NR3C1: variants seen among roughly 807,000 people sequenced by gnomAD.
NR3C1 encodes the protein nuclear receptor subfamily 3 group C member 1.
Under a neutral mutation model 74.0 loss-of-function variants are expected in NR3C1, and 14 were observed. That is an observed-to-expected ratio of 0.19 (90% CI 0.12 to 0.30). The LOEUF (loss-of-function observed/expected upper bound fraction) is 0.30. Ranked by LOEUF, NR3C1 falls within the 10% of genes least tolerant of loss-of-function variation. The pLI, the probability that NR3C1 is intolerant of heterozygous loss-of-function variation, is 1.00. For missense variants in NR3C1, 695 were observed against 909.8 expected (o/e 0.76, Z 3.04); for synonymous variants, 308 against 332.5 (o/e 0.93, Z 0.80).
intron 2 of NR3C1, among the ~76,000 whole-genome samples, chr5:143,356,445 T>C (rs61752273): frequency 0.016 from 2,509 of 152,214 alleles, 27 homozygotes; most frequent in Middle Eastern, 0.048. Context: ...ATCTGTCTAG[T>C]ATATCAACAA....
intron 2 of NR3C1, among the ~76,000 whole-genome samples, chr5:143,382,776 T>C (rs1390176451): frequency 2.0e-5 from 3 of 152,250 alleles, no homozygotes; most frequent in African/African-American, 7.2e-5. Context: ...GACGGGAGCA[T>C]ACTTCTTCGT....
At chr5:143,362,277 T>C (rs1049759144) in intron 2 of NR3C1, among the ~76,000 whole-genome samples, 5 of 152,100 alleles carry the variant, frequency 3.3e-5, no homozygotes, top group Non-Finnish European at 5.9e-5. Context: ...ATTCCTAGCT[T>C]AGCAGTAGCC....
At chr5:143,326,586 T>C (rs1248798415) in intron 2 of NR3C1, among the ~76,000 whole-genome samples, 1 of 152,228 alleles carries the variant, frequency 6.6e-6, no homozygotes, top group African/African-American at 2.4e-5. Flanking sequence ...ACCACGATTT[T>C]TGCCCTTAGA....
At chr5:143,395,785 G>C (rs1456960769) in intron 2 of NR3C1, among the ~76,000 whole-genome samples, 1 of 151,832 alleles carries the variant, frequency 6.6e-6, no homozygotes, top group Non-Finnish European at 1.5e-5. Flanking sequence ...AGTAGACTAA[G>C]ATTTATGTAA....
intron 2 of NR3C1, among the ~76,000 whole-genome samples, chr5:143,335,085 A>C (rs1826831705): frequency 6.6e-6 from 1 of 152,194 alleles, no homozygotes. Context: ...AGCTGAAATG[A>C]CTGGTTGACG....
At position 143,400,637 on chromosome 5, in the gene NR3C1, C is replaced by A. The variant is rs1421768594; in HGVS notation, c.203G>T (p.Gly68Val). ...QRRLLVDFPK[G>V]SVSNAQQPDL... The stretch of plus-strand genomic sequence containing the variant: ...TGGCTGCTGCGCATTGCTTACTGAG[C>A]CTTTTGGAAAATCAACCAAAAGTCT... Residue 68 changes from glycine to valine, a missense_variant, in exon 2 of 9, where the codon GGC becomes GTC. Physicochemically the swap from Gly to Val is moderately radical, Grantham distance 109. Coordinates refer to ENST00000394464, the MANE Select transcript of NR3C1 (RefSeq NM_000176.3). 1 of 1,614,074 alleles carries A rather than the reference C, an allele frequency of 6.2e-7. No homozygotes were observed. Among genetic ancestry groups the A allele is most frequent in the Admixed American group, 1.7e-5 (1 of 60,022 alleles).
chr5:143,344,448 T>C (rs1278956290), intron 2 of NR3C1, among the ~76,000 whole-genome samples: 2 of 152,220 alleles, frequency 1.3e-5, no homozygotes, highest in Non-Finnish European at 2.9e-5. Flanking sequence ...CCCCATTTTA[T>C]GAATGAGGAC....
chr5:143,386,341 C>T (rs577932913), intron 2 of NR3C1, among the ~76,000 whole-genome samples: 1 of 152,216 alleles, frequency 6.6e-6, no homozygotes, highest in Non-Finnish European at 1.5e-5. Context: ...GTAAAGGGTA[C>T]ATAGAAAAGG....
intron 1 of NR3C1, among the ~76,000 whole-genome samples, chr5:143,416,642 A>G (rs959106697): frequency 6.6e-6 from 1 of 152,144 alleles, no homozygotes; most frequent in African/African-American, 2.4e-5. Flanking sequence ...TGCATCAGAA[A>G]GGGTCCTGAC....
At chr5:143,293,688 G>C (rs1816459210) in intron 7 of NR3C1, among the ~76,000 whole-genome samples, 1 of 151,908 alleles carries the variant, frequency 6.6e-6, no homozygotes. Context: ...AGCATTTTTG[G>C]TGGGAGGTTA....
At chr5:143,367,413 T>C (rs1490685292) in intron 2 of NR3C1, among the ~76,000 whole-genome samples, 1 of 152,134 alleles carries the variant, frequency 6.6e-6, no homozygotes, top group Non-Finnish European at 1.5e-5. Flanking sequence ...CTAGGGCAAC[T>C]AGGCAAGAAA....
intron 1 of NR3C1, among the ~76,000 whole-genome samples, chr5:143,401,872 C>G (rs1461119438): frequency 6.6e-6 from 1 of 152,346 alleles, no homozygotes. Flanking sequence ...CTTCACCTAT[C>G]CAAACCTTCA....
chr5:143,423,903 G>T (rs1751370238), intron 1 of NR3C1, among the ~76,000 whole-genome samples: 1 of 151,750 alleles, frequency 6.6e-6, no homozygotes, highest in Non-Finnish European at 1.5e-5. Flanking sequence ...AACTCAGAGA[G>T]AGAAAGAATA....
Position 143,295,666 on chromosome 5 carries a change from T to C in NR3C1, c.1893-76A>G, listed in dbSNP as rs1361567317. The C allele has an allele frequency of 2.5e-6, 3 of 1,222,588 alleles. No homozygotes were observed. In the African/African-American group the frequency reaches 4.5e-5, roughly 18 times the overall value. The allele number at this position is 1,222,588 out of a possible 1,614,324, so 75.7% of individuals were successfully genotyped here. On this transcript the variant is annotated intron_variant, in intron 6 of 8. Transcript: ENST00000394464. ...CCAAAAAGCACATTTTTGTTTTGTT[T>C]TGCAAAACTATGAACTCATAAAGAA...
intron 2 of NR3C1, among the ~76,000 whole-genome samples, chr5:143,360,117 A>G (rs1338087776): frequency 6.6e-6 from 1 of 152,206 alleles, no homozygotes; most frequent in Non-Finnish European, 1.5e-5. Context: ...TTAAAGTCAC[A>G]GTTTGGCACA....
chr5:143,402,486 G>A (rs999186946), intron 1 of NR3C1: 2 of 564,566 alleles, frequency 3.5e-6, no homozygotes, highest in Non-Finnish European at 4.5e-6. Flanking sequence ...TTTCTAAAAG[G>A]GGCCACTTAG....
At chr5:143,380,171 G>A (rs1200393762) in intron 2 of NR3C1, among the ~76,000 whole-genome samples, 1 of 152,150 alleles carries the variant, frequency 6.6e-6, no homozygotes, top group East Asian at 1.9e-4. Context: ...GCCCCGATAT[G>A]CAAAAGCTTG....
intron 4 of NR3C1, among the ~76,000 whole-genome samples, chr5:143,308,783 C>T (rs965986725): frequency 6.6e-6 from 1 of 152,176 alleles, no homozygotes; most frequent in Non-Finnish European, 1.5e-5. Flanking sequence ...GACTCTGCAA[C>T]CTAACTAGCA....
chr5:143,311,053 G>A lies in NR3C1; in HGVS notation c.1352-840C>T, dbSNP rs146383672. 9.8e-5 allele frequency among the ~76,000 whole-genome samples: 15 copies of A among 152,340 alleles called. No homozygotes were observed. The South Asian group carries it at 1.5e-3, about 15-fold the overall frequency. ...GAATAGGCCACAAAATTGACCACTAGACTATAATTCACCTTTGTTCAGAGC... is the reference window on the plus strand; with the variant it reads ...GAATAGGCCACAAAATTGACCACTAAACTATAATTCACCTTTGTTCAGAGC... On this transcript the variant is annotated intron_variant, in intron 3 of 8. Coordinates refer to ENST00000394464, the MANE Select transcript of NR3C1 (RefSeq NM_000176.3).
Sources: allele counts gnomAD v4.1 joint callset (sites outside exome capture counted in the v4.1 genomes callset), GRCh38; gene constraint gnomAD v4.1.1; transcripts MANE v1.5; gene names NCBI Gene and HGNC (gene_info 2026-07-23, HGNC 2026-07-21).